The following FOXP2 variants were observed in gnomAD, a reference collection of about 807,000 sequenced individuals.
FOXP2 encodes forkhead box P2.
FOXP2 carries 12 observed loss-of-function variants against 115.8 expected under a neutral mutation model. That is an observed-to-expected ratio of 0.10 (90% CI 0.07 to 0.17). The LOEUF is 0.17. FOXP2 is among the 10% of genes least tolerant of loss of function. The pLI, the probability that FOXP2 is intolerant of heterozygous loss-of-function variation, is 1.00. For synonymous variants in FOXP2, 328 were observed against 297.7 expected (o/e 1.10, Z -1.05); for missense variants, 629 against 843.5 (o/e 0.75, Z 3.15).
chr7:114,569,781 A>C (rs893236204), intron 3 of FOXP2, among the ~76,000 whole-genome samples: 5 of 151,948 alleles, frequency 3.3e-5, no homozygotes, highest in Admixed American at 3.3e-4. Context: ...GCATGTAGTC[A>C]TGTAAAGCAT....
At chr7:114,554,788 A>G (rs2129288723) in intron 3 of FOXP2, among the ~76,000 whole-genome samples, 1 of 152,234 alleles carries the variant, frequency 6.6e-6, no homozygotes, top group East Asian at 1.9e-4. Context: ...CATAGCATCT[A>G]GTTACTTTCA....
At chr7:114,391,519 T>A (rs2129194436) in intron 2 of FOXP2, among the ~76,000 whole-genome samples, 1 of 152,352 alleles carries the variant, frequency 6.6e-6, no homozygotes, top group Non-Finnish European at 1.5e-5. Flanking sequence ...GAAAGAAGCT[T>A]CACTAGGGTA....
At chr7:114,532,634 C>G (rs192006967) in intron 2 of FOXP2, among the ~76,000 whole-genome samples, 1 of 151,742 alleles carries the variant, frequency 6.6e-6, no homozygotes, top group African/African-American at 2.4e-5. Context: ...AGCTTTTAGT[C>G]CTTGTCATTC....
intron 2 of FOXP2, among the ~76,000 whole-genome samples, chr7:114,469,867 AG>A (rs1303576411): frequency 2.6e-5 from 4 of 152,210 alleles, no homozygotes; most frequent in African/African-American, 9.6e-5. Context: ...AATTCTTTAT[AG>A]TACTAAACCA....
At chr7:114,449,606 C>T (rs2129217631) in intron 2 of FOXP2, among the ~76,000 whole-genome samples, 1 of 152,142 alleles carries the variant, frequency 6.6e-6, no homozygotes, top group East Asian at 1.9e-4. Context: ...CATCACTAAC[C>T]TCTCTTTGAA....
chr7:114,170,692 C>T (rs142429576), intron 1 of FOXP2, among the ~76,000 whole-genome samples: 2 of 152,296 alleles, frequency 1.3e-5, no homozygotes, highest in Admixed American at 6.5e-5. Context: ...AAGCCAAAGC[C>T]TAATAAAGAG....
intron 3 of FOXP2, among the ~76,000 whole-genome samples, chr7:114,546,088 G>A (rs1383760738): frequency 1.3e-5 from 2 of 152,150 alleles, no homozygotes; most frequent in Non-Finnish European, 2.9e-5. Context: ...ATAGACCAGT[G>A]TTTGTATATA....
chr7:114,520,305 A>G (rs989266957), intron 2 of FOXP2, among the ~76,000 whole-genome samples: 5 of 152,104 alleles, frequency 3.3e-5, no homozygotes, highest in Admixed American at 2.0e-4. Flanking sequence ...TCTTCCTCAC[A>G]GTATTTTGAT....
intron 2 of FOXP2, among the ~76,000 whole-genome samples, chr7:114,357,732 A>G (rs2690834): frequency 0.068 from 10,405 of 152,272 alleles, 404 homozygotes; most frequent in Middle Eastern, 0.15. Context: ...ATAGAGGATC[A>G]GTGGATACTT....
intron 2 of FOXP2, among the ~76,000 whole-genome samples, chr7:114,463,998 T>G (rs1584768001): frequency 6.6e-6 from 1 of 152,294 alleles, no homozygotes; most frequent in Admixed American, 6.5e-5. Flanking sequence ...ATTGAAAACA[T>G]GCTAAGCAAA....
intron 1 of FOXP2, among the ~76,000 whole-genome samples, chr7:114,265,304 G>A (rs1366121243): frequency 6.6e-6 from 1 of 152,136 alleles, no homozygotes; most frequent in Non-Finnish European, 1.5e-5. Context: ...CAAAAGAAAG[G>A]GGCTACAGGT....
intron 1 of FOXP2, among the ~76,000 whole-genome samples, chr7:114,237,488 A>C (rs1795041041): frequency 6.6e-6 from 1 of 152,192 alleles, no homozygotes; most frequent in Admixed American, 6.5e-5. Flanking sequence ...ACAATGGCTA[A>C]ATTTTCTTTA....
At chr7:114,303,642 C>G (rs1376949890) in intron 2 of FOXP2, among the ~76,000 whole-genome samples, 1 of 152,068 alleles carries the variant, frequency 6.6e-6, no homozygotes, top group Non-Finnish European at 1.5e-5. Flanking sequence ...TCACCATTTT[C>G]TATTTGTTGT....
At chr7:114,345,178 T>C (rs948366115) in intron 2 of FOXP2, among the ~76,000 whole-genome samples, 29 of 151,840 alleles carry the variant, frequency 1.9e-4, no homozygotes, top group African/African-American at 6.5e-4. Flanking sequence ...TTGAATTGTA[T>C]AGTTTTCTTA....
intron 2 of FOXP2, among the ~76,000 whole-genome samples, chr7:114,436,029 A>T (rs746999112): frequency 1.2e-4 from 18 of 152,172 alleles, no homozygotes; most frequent in Non-Finnish European, 2.6e-4. Context: ...TATTTCATGT[A>T]CTGTGAAGCA....
intron 2 of FOXP2, among the ~76,000 whole-genome samples, chr7:114,473,153 T>C (rs1473133289): frequency 6.6e-6 from 1 of 152,226 alleles, no homozygotes; most frequent in Non-Finnish European, 1.5e-5. Context: ...TCATACCTAT[T>C]CGATATCTCT....
chr7:114,386,554 G>A (rs1389159843), intron 2 of FOXP2, among the ~76,000 whole-genome samples: 1 of 152,204 alleles, frequency 6.6e-6, no homozygotes, highest in Non-Finnish European at 1.5e-5. Context: ...GAGCCAGGGA[G>A]CAGACCGTGG....
intron 1 of FOXP2, among the ~76,000 whole-genome samples, chr7:114,181,394 A>G (rs983895334): frequency 6.6e-6 from 1 of 151,906 alleles, no homozygotes; most frequent in Non-Finnish European, 1.5e-5. Flanking sequence ...GTGATCCTCC[A>G]AAGATCTCAT....
chr7:114,657,921 A>G (rs1806671888), intron 10 of FOXP2, 145 bp from the exon 11 acceptor site: 1 of 786,932 alleles, frequency 1.3e-6, no homozygotes, highest in Admixed American at 2.0e-5. Flanking sequence ...TTCATCCTGT[A>G]ATTAGTTGAG....
Sources: gnomAD v4.1 joint callset for allele counts (sites outside exome capture counted in the v4.1 genomes callset) on GRCh38, gnomAD v4.1.1 for gene constraint, MANE v1.5 for transcripts, NCBI Gene and HGNC (gene_info 2026-07-23, HGNC 2026-07-21) for gene names.